RAB3B: variants seen among roughly 807,000 people sequenced by gnomAD.
RAB3B encodes RAB3B, member RAS oncogene family.
Under a neutral mutation model 20.5 loss-of-function variants are expected in RAB3B, and 11 were observed. That is an observed-to-expected ratio of 0.54 (90% CI 0.34 to 0.89). The LOEUF (loss-of-function observed/expected upper bound fraction) is 0.89. Among genes scored for constraint, RAB3B ranks in the 40% least tolerant of loss-of-function variants. RAB3B has a pLI of 0.02. For synonymous variants in RAB3B, 99 were observed against 106.3 expected, an observed-to-expected ratio of 0.93 and a Z score of 0.42; for missense variants, 225 against 280.9, an observed-to-expected ratio of 0.80 and a Z score of 1.42.
rs540193798 is a variant in RAB3B, at chr1:51,940,500, G to A, written c.229-3088C>T. On this transcript the variant is annotated intron_variant, in intron 2 of 4. Coordinates refer to ENST00000371655, the MANE Select transcript of RAB3B (RefSeq NM_002867.4). ...TAGCCAGGTGTAGTGGTGTACACCT[G>A]TAATCCCAGCTACTTGGGAGGCTGA... 4.5e-4 allele frequency among the ~76,000 whole-genome samples: 69 copies of A among 152,230 alleles called. 1 individual carries two copies. The highest frequency in any genetic ancestry group is 9.3e-4 in the Non-Finnish European group (63 of 68,004).
intron 2 of RAB3B, among the ~76,000 whole-genome samples, chr1:51,959,262 G>A (rs1684753772): frequency 6.6e-6 from 1 of 152,178 alleles, no homozygotes; most frequent in Admixed American, 6.5e-5. Flanking sequence ...GCTCATGCCT[G>A]TAATCTCAGC....
chr1:51,945,260 C>A (rs1375001772), intron 2 of RAB3B, among the ~76,000 whole-genome samples: 1 of 152,222 alleles, frequency 6.6e-6, no homozygotes, highest in Non-Finnish European at 1.5e-5. Context: ...CAGCCTCAAC[C>A]TCCTGGGCTC....
At position 51,919,901 on chromosome 1, in the gene RAB3B, G is replaced by C. The variant is rs1438229879; in HGVS notation, c.*26C>G. 3 of 1,597,928 alleles carry C rather than the reference G, an allele frequency of 1.9e-6. No homozygotes were observed. The South Asian group carries it at 3.4e-5, about 18-fold the overall frequency. The stretch of plus-strand genomic sequence containing the variant: ...CAGACTGGGTGTGGGGCCACAATGA[G>C]GGGAGGTCAGGAAGGTGGGCCTTGC... On this transcript the variant is annotated 3_prime_UTR_variant, in exon 5 of 5. Transcript: ENST00000371655.
At chr1:51,988,655 A>G (rs950423529) in intron 1 of RAB3B, among the ~76,000 whole-genome samples, 1 of 152,190 alleles carries the variant, frequency 6.6e-6, no homozygotes, top group Admixed American at 6.5e-5. Flanking sequence ...TTGAGGCAGG[A>G]GCACCAATTA....
At chr1:51,943,737 A>C (rs961588320) in intron 2 of RAB3B, among the ~76,000 whole-genome samples, 4 of 152,258 alleles carry the variant, frequency 2.6e-5, no homozygotes, top group Non-Finnish European at 5.9e-5. Flanking sequence ...CCTTAAGCCA[A>C]AGCCTAATTC....
chr1:51,983,595 T>G (rs1685114850), intron 1 of RAB3B, among the ~76,000 whole-genome samples: 1 of 152,168 alleles, frequency 6.6e-6, no homozygotes, highest in African/African-American at 2.4e-5. Flanking sequence ...GAACATATCC[T>G]TGTCATTAGC....
intron 1 of RAB3B, among the ~76,000 whole-genome samples, chr1:51,983,246 C>T (rs992786881): frequency 2.0e-5 from 3 of 151,714 alleles, no homozygotes; most frequent in Non-Finnish European, 4.4e-5. Flanking sequence ...CCCAGCTACT[C>T]GGGAGGCTGA....
intron 2 of RAB3B, among the ~76,000 whole-genome samples, chr1:51,959,477 A>C (rs1257038429): frequency 1.3e-5 from 2 of 152,126 alleles, no homozygotes; most frequent in Non-Finnish European, 2.9e-5. Flanking sequence ...ACACCACTGC[A>C]CTCCAGCCTG....
intron 1 of RAB3B, among the ~76,000 whole-genome samples, chr1:51,978,456 C>G (rs1685039046): frequency 6.6e-6 from 1 of 152,194 alleles, no homozygotes; most frequent in Non-Finnish European, 1.5e-5. Context: ...AGCCTAGGTC[C>G]TTTATTTGTT....
chr1:51,923,404 G>A (rs1242873597), intron 4 of RAB3B, among the ~76,000 whole-genome samples: 1 of 152,106 alleles, frequency 6.6e-6, no homozygotes, highest in African/African-American at 2.4e-5. Context: ...TGAAGTTAGT[G>A]AGGATGTGAG....
At chr1:51,968,131 G>A (rs1325813706) in intron 2 of RAB3B, among the ~76,000 whole-genome samples, 2 of 152,122 alleles carry the variant, frequency 1.3e-5, no homozygotes, top group East Asian at 1.9e-4. Flanking sequence ...GCTGGAAAAG[G>A]CAAATTAAAG....
chr1:51,913,411 T>C lies in RAB3B; in HGVS notation c.*6516A>G, dbSNP rs1476005425. On this transcript the variant is annotated 3_prime_UTR_variant, in exon 5 of 5. Transcript: ENST00000371655. ...GACTGAGGGTGCTTCCTGTGGTAGATTGAAAAATTGGTCACCATATTTTGT... is the reference window on the plus strand; with the variant it reads ...GACTGAGGGTGCTTCCTGTGGTAGACTGAAAAATTGGTCACCATATTTTGT... 2 of 151,962 alleles carry C rather than the reference T, an allele frequency of 1.3e-5. No homozygotes were observed. Among genetic ancestry groups the C allele is most frequent in the African/African-American group, 2.4e-5 (1 of 41,400 alleles). The allele number at this position is 151,962 out of a possible 1,614,324, so 9.4% of individuals were successfully genotyped here. A position where few individuals can be genotyped will look rare whatever the true frequency, so the allele number is the denominator to read the frequency against.
chr1:51,950,343 T>C (rs1416306958), intron 2 of RAB3B, among the ~76,000 whole-genome samples: 1 of 152,232 alleles, frequency 6.6e-6, no homozygotes, highest in Non-Finnish European at 1.5e-5. Flanking sequence ...ACATTTGTTA[T>C]AGTTACCAGT....
At chr1:51,989,184 C>T (rs1004104670) in intron 1 of RAB3B, among the ~76,000 whole-genome samples, 3 of 134,178 alleles carry the variant, frequency 2.2e-5, no homozygotes, top group Non-Finnish European at 4.7e-5. Flanking sequence ...TCCAGGAAGC[C>T]GGGGGAAGAG....
chr1:51,975,392 G>A (rs1267005260), intron 2 of RAB3B, among the ~76,000 whole-genome samples: 1 of 152,070 alleles, frequency 6.6e-6, no homozygotes, highest in African/African-American at 2.4e-5. Context: ...AATAATAATA[G>A]TAGCTGTGGC....
intron 2 of RAB3B, among the ~76,000 whole-genome samples, chr1:51,971,494 G>A (rs1443059666): frequency 2.0e-5 from 3 of 149,994 alleles, no homozygotes; most frequent in Non-Finnish European, 3.0e-5. Context: ...GTGCAATGGC[G>A]CAATCTTGGC....
Position 51,911,610 on chromosome 1 carries a change from A to G in RAB3B, c.*8317T>C, listed in dbSNP as rs1683999766. ...AGGTGATCAGCCAAGCCTCCAAACC[A>G]GAATCAGGGTCTAGAAAACCAGAGA... On this transcript the variant is annotated 3_prime_UTR_variant, in exon 5 of 5. Transcript: ENST00000371655. 1 of 152,060 alleles carries G rather than the reference A, an allele frequency of 6.6e-6. No homozygotes were observed. Among genetic ancestry groups the G allele is most frequent in the Non-Finnish European group, 1.5e-5 (1 of 68,000 alleles). The allele number at this position is 152,060 out of a possible 1,614,324, so 9.4% of individuals were successfully genotyped here. A position where few individuals can be genotyped will look rare whatever the true frequency, so the allele number is the denominator to read the frequency against.
intron 2 of RAB3B, among the ~76,000 whole-genome samples, chr1:51,963,241 A>C (rs2124292227): frequency 6.6e-6 from 1 of 151,692 alleles, no homozygotes; most frequent in Non-Finnish European, 1.5e-5. Context: ...TTTCCAGCTC[A>C]CTCCTTGTAG....
intron 1 of RAB3B, among the ~76,000 whole-genome samples, chr1:51,988,746 G>C (rs1685180861): frequency 6.6e-6 from 1 of 152,110 alleles, no homozygotes; most frequent in Non-Finnish European, 1.5e-5. Context: ...AGAAACCCTA[G>C]GAGCTTCAAG....
Sources: allele counts gnomAD v4.1 joint callset (sites outside exome capture counted in the v4.1 genomes callset), GRCh38; gene constraint gnomAD v4.1.1; transcripts MANE v1.5; gene names NCBI Gene and HGNC (gene_info 2026-07-23, HGNC 2026-07-21).